Variants in SLX9 observed in about 807,000 individuals in gnomAD.
SLX9 encodes the protein SLX9 ribosome biogenesis factor, also known as ribosome biogenesis protein SLX9 homolog.
In SLX9, 19 loss-of-function variants were observed where a neutral mutation model predicts 20.8. The ratio of observed to expected loss-of-function variants is 0.91; its 90% CI spans 0.64 to 1.34. The LOEUF (loss-of-function observed/expected upper bound fraction) is 1.34. Among genes scored for constraint, SLX9 ranks in the 40% most tolerant of loss-of-function variants. The pLI is 0.00. For missense variants in SLX9, 299 were observed against 322.2 expected, an observed-to-expected ratio of 0.93 and a Z score of 0.55; for synonymous variants, 113 against 137.1, an observed-to-expected ratio of 0.82 and a Z score of 1.23.
intron 4 of SLX9, among the ~76,000 whole-genome samples, chr21:44,968,254 C>T (rs902445983): frequency 2.6e-5 from 4 of 151,828 alleles, no homozygotes; most frequent in African/African-American, 9.7e-5. Context: ...TGACGCAACC[C>T]CCAGTGACAC....
chr21:44,940,237 G>T, intron 1 of SLX9, 51 bp downstream of exon 1: 1 of 1,204,376 alleles, frequency 8.3e-7, no homozygotes, highest in Non-Finnish European at 1.0e-6. Context: ...CCGAGGGCGG[G>T]TGAGCTGCGG....
chr21:44,952,886 G>C (rs987972868), intron 2 of SLX9, among the ~76,000 whole-genome samples: 1 of 152,224 alleles, frequency 6.6e-6, no homozygotes, highest in Admixed American at 6.5e-5. Flanking sequence ...CCATCTGCAC[G>C]TCACTGTCCT....
intron 2 of SLX9, among the ~76,000 whole-genome samples, chr21:44,945,863 A>C (rs1025911036): frequency 3.3e-5 from 5 of 152,226 alleles, no homozygotes; most frequent in African/African-American, 1.2e-4. Flanking sequence ...CAACAGGCAC[A>C]TGCCACCACG....
At chr21:44,962,466 A>G (rs539150352) in intron 3 of SLX9, among the ~76,000 whole-genome samples, 40 of 152,342 alleles carry the variant, frequency 2.6e-4, no homozygotes, top group Non-Finnish European at 4.7e-4. Flanking sequence ...TGCTCAGCGT[A>G]ATGGTTTTGA....
At chr21:44,951,784 A>C (rs2084762142) in intron 2 of SLX9, among the ~76,000 whole-genome samples, 1 of 152,092 alleles carries the variant, frequency 6.6e-6, no homozygotes, top group Admixed American at 6.5e-5. Flanking sequence ...CCAATCACTA[A>C]CCGGGGCGGG....
At chr21:44,942,941 AG>A (rs1426710694) in intron 1 of SLX9, among the ~76,000 whole-genome samples, 2 of 152,102 alleles carry the variant, frequency 1.3e-5, no homozygotes, top group Non-Finnish European at 2.9e-5. Flanking sequence ...AAAAACAGGG[AG>A]GGGGTTAATA....
rs1260633373 is a variant in SLX9, at chr21:44,973,406, GCCCA to G, written c.569+145_569+148del. ...TTCAGCTCCTGAGTGCCCTCACCCC[GCCCA>G]CCCTCTCCAGGGGTTCAGCTCCTAT... is the stretch of plus-strand genomic sequence containing the variant. On this transcript the variant is annotated intron_variant, in intron 5 of 5. Coordinates refer to ENST00000291634, the MANE Select transcript of SLX9 (RefSeq NM_058190.4). The G allele has an allele frequency of 2.2e-4, 117 of 528,074 alleles. 4 individuals carry two copies. The African/African-American group carries it at 2.9e-3, about 13-fold the overall frequency. The allele number at this position is 528,074 out of a possible 1,614,324, so 32.7% of individuals were successfully genotyped here.
chr21:44,951,002 G>A (rs1044302162), intron 2 of SLX9, among the ~76,000 whole-genome samples: 42 of 152,248 alleles, frequency 2.8e-4, no homozygotes, highest in East Asian at 7.7e-4. Flanking sequence ...ACGTGGCGGC[G>A]ACTGGGTACA....
intron 3 of SLX9, among the ~76,000 whole-genome samples, chr21:44,966,245 G>T (rs989986174): frequency 6.6e-6 from 1 of 152,130 alleles, no homozygotes; most frequent in Non-Finnish European, 1.5e-5. Context: ...AGAGGAGCTG[G>T]CTGTTGTCAC....
intron 3 of SLX9, among the ~76,000 whole-genome samples, chr21:44,966,104 C>A (rs1484737871): frequency 6.6e-6 from 1 of 152,068 alleles, no homozygotes; most frequent in African/African-American, 2.4e-5. Flanking sequence ...ACACACCCTG[C>A]TACAGGGACC....
At chr21:44,974,026 C>T (rs2085214245) in intron 5 of SLX9, among the ~76,000 whole-genome samples, 1 of 152,226 alleles carries the variant, frequency 6.6e-6, no homozygotes, top group African/African-American at 2.4e-5. Context: ...GTTAGCAGGG[C>T]TAGGACACTG....
In SLX9 at chr21:44,952,926, A is replaced by T. The variant is rs534968522; in HGVS notation, c.284-7174A>T. Among the ~76,000 whole-genome samples, 5 of 152,144 alleles carry T rather than the reference A, an allele frequency of 3.3e-5. No homozygotes were observed. The East Asian group carries it at 9.7e-4, about 30-fold the overall frequency. On this transcript the variant is annotated intron_variant, in intron 2 of 5. Transcript: ENST00000291634. Reference sequence around the variant, plus strand: ...GACAGCTGGGGTGGGAGGGCAGCTGAGTGTTTTCAAATGGAAACTTAGGGG... The same window carrying T: ...GACAGCTGGGGTGGGAGGGCAGCTGTGTGTTTTCAAATGGAAACTTAGGGG...
At chr21:44,953,627 TC>T (rs2084801642) in intron 2 of SLX9, among the ~76,000 whole-genome samples, 1 of 152,244 alleles carries the variant, frequency 6.6e-6, no homozygotes, top group Non-Finnish European at 1.5e-5. Context: ...TGGGGCTTCT[TC>T]CTTTCCAGGT....
chr21:44,971,866 T>G (rs1447005284), intron 4 of SLX9, among the ~76,000 whole-genome samples: 1 of 152,068 alleles, frequency 6.6e-6, no homozygotes, highest in Non-Finnish European at 1.5e-5. Flanking sequence ...CGTGGGGAGA[T>G]GTCGTCAGCC....
chr21:44,973,156 G>A (rs138605768), intron 4 of SLX9, 41 bp from the exon 5 acceptor site: 2 of 1,611,106 alleles, frequency 1.2e-6, no homozygotes, highest in Non-Finnish European at 1.7e-6. Flanking sequence ...GTGTTTAGGG[G>A]ATGCTGGATG....
chr21:44,965,201 C>T (rs1395574916), intron 3 of SLX9, among the ~76,000 whole-genome samples: 1 of 152,166 alleles, frequency 6.6e-6, no homozygotes, highest in Non-Finnish European at 1.5e-5. Flanking sequence ...AGGCAGCATC[C>T]GATTTTTCCG....
At chr21:44,960,026 G>A (rs1195459133) in intron 2 of SLX9, 74 bp from the exon 3 acceptor site, 22 of 1,366,828 alleles carry the variant, frequency 1.6e-5, no homozygotes, top group East Asian at 9.2e-5. Context: ...GTCAGGACCC[G>A]CCCCAGCCCA....
chr21:44,956,046 C>G (rs1006123235), intron 2 of SLX9, among the ~76,000 whole-genome samples: 17 of 152,244 alleles, frequency 1.1e-4, no homozygotes, highest in African/African-American at 4.1e-4. Context: ...AAATGCGCGG[C>G]TTTTCATCAG....
At chr21:44,946,095 G>A (rs1242633437) in intron 2 of SLX9, among the ~76,000 whole-genome samples, 1 of 152,238 alleles carries the variant, frequency 6.6e-6, no homozygotes, top group Non-Finnish European at 1.5e-5. Context: ...GGAGAGGGTA[G>A]AAGCTTGAAC....
Sources: allele counts gnomAD v4.1 joint callset (sites outside exome capture counted in the v4.1 genomes callset), GRCh38; gene constraint gnomAD v4.1.1; transcripts MANE v1.5; gene names NCBI Gene and HGNC (gene_info 2026-07-23, HGNC 2026-07-21).